The following SKAP2 variants were observed in gnomAD, a reference collection of about 807,000 sequenced individuals.
The protein encoded by SKAP2 is src kinase associated phosphoprotein 2, also known as src kinase-associated phosphoprotein 2.
A neutral mutation model predicts 54.9 loss-of-function variants in SKAP2; 28 were observed. That is an observed-to-expected ratio of 0.51 (90% confidence interval 0.38 to 0.70). SKAP2 has a LOEUF of 0.70. SKAP2 is among the 30% of genes least tolerant of loss of function. SKAP2 has a pLI of 0.00. For missense variants in SKAP2, 356 were observed against 424.1 expected (o/e 0.84, Z 1.41); for synonymous variants, 137 against 134.3 (o/e 1.02, Z -0.14).
chr7:26,729,592 T>C (rs2127957435), intron 6 of SKAP2, among the ~76,000 whole-genome samples: 1 of 152,130 alleles, frequency 6.6e-6, no homozygotes, highest in Non-Finnish European at 1.5e-5. Context: ...AAGTGGAAAA[T>C]GCAGCAGCAA....
chr7:26,782,417 A>AAAAGAG (rs1354068986), intron 4 of SKAP2, among the ~76,000 whole-genome samples: 2 of 152,230 alleles, frequency 1.3e-5, no homozygotes, highest in Non-Finnish European at 2.9e-5. Context: ...GTTAACTGAA[A>AAAAGAG]AAAGAGTTGT....
chr7:26,717,770 T>C (rs1271254378), intron 9 of SKAP2, among the ~76,000 whole-genome samples: 1 of 151,042 alleles, frequency 6.6e-6, no homozygotes, highest in East Asian at 1.9e-4. Flanking sequence ...GGGTAGAGGT[T>C]GCAGGGAGTT....
chr7:26,738,656 A>G (rs1047547220), intron 6 of SKAP2, 139 bp downstream of exon 6: 9 of 566,352 alleles, frequency 1.6e-5, no homozygotes, highest in African/African-American at 3.8e-5. Context: ...AATGAATCAT[A>G]AATTAGTCAG....
chr7:26,854,734 A>G (rs1785123898), intron 2 of SKAP2, 51 bp downstream of exon 2: 1 of 1,500,092 alleles, frequency 6.7e-7, no homozygotes, highest in African/African-American at 1.4e-5. Context: ...AATGTTAGTT[A>G]CAAAACTGCT....
At chr7:26,790,508 A>C (rs1374441711) in intron 4 of SKAP2, among the ~76,000 whole-genome samples, 1 of 152,210 alleles carries the variant, frequency 6.6e-6, no homozygotes, top group Non-Finnish European at 1.5e-5. Flanking sequence ...TTCAGAAGAA[A>C]TACTAACAAA....
chr7:26,749,680 T>A (rs1432422193), intron 4 of SKAP2, among the ~76,000 whole-genome samples: 1 of 151,444 alleles, frequency 6.6e-6, no homozygotes, highest in Non-Finnish European at 1.5e-5. Flanking sequence ...AGTTCAAGGC[T>A]GCATATGATA....
chr7:26,696,911 C>A (rs1007001421), intron 9 of SKAP2, among the ~76,000 whole-genome samples: 3 of 151,854 alleles, frequency 2.0e-5, no homozygotes, highest in Non-Finnish European at 4.4e-5. Flanking sequence ...CTGTCTCTAA[C>A]AAAAACAAAA....
intron 3 of SKAP2, among the ~76,000 whole-genome samples, chr7:26,849,345 C>A (rs774523710): frequency 6.6e-6 from 1 of 151,942 alleles, no homozygotes; most frequent in Non-Finnish European, 1.5e-5. Context: ...GAAAATGAGA[C>A]TTTTATCTAT....
chr7:26,754,086 G>A (rs140775981), intron 4 of SKAP2, among the ~76,000 whole-genome samples: 5,547 of 152,042 alleles, frequency 0.036, 329 homozygotes, highest in African/African-American at 0.13. Context: ...AAAGTAAGCC[G>A]GGCACGGTGG....
At chr7:26,694,780 T>G (rs764379708) in intron 9 of SKAP2, among the ~76,000 whole-genome samples, 21 of 152,088 alleles carry the variant, frequency 1.4e-4, no homozygotes, top group Non-Finnish European at 2.6e-4. Flanking sequence ...TTTTTAGCAT[T>G]TGAGAAAAGG....
chr7:26,768,328 C>T (rs936535393), intron 4 of SKAP2, among the ~76,000 whole-genome samples: 18 of 150,290 alleles, frequency 1.2e-4, no homozygotes, highest in Non-Finnish European at 2.7e-4. Context: ...ATTCCTCCAT[C>T]CCTTTATTTT....
At chr7:26,820,133 T>A (rs1034418416) in intron 4 of SKAP2, among the ~76,000 whole-genome samples, 1 of 152,168 alleles carries the variant, frequency 6.6e-6, no homozygotes, top group Non-Finnish European at 1.5e-5. Context: ...TAGTGCACTA[T>A]GATTGTACCT....
chr7:26,745,260 T>C (rs1432341205), intron 4 of SKAP2, among the ~76,000 whole-genome samples: 1 of 152,208 alleles, frequency 6.6e-6, no homozygotes, highest in East Asian at 1.9e-4. Flanking sequence ...TCCTAAGAAT[T>C]TTCACTCTGA....
At chr7:26,693,332 CAAAAAAAAAAA>C (rs34775523) in intron 9 of SKAP2, among the ~76,000 whole-genome samples, 1 of 79,890 alleles carries the variant, frequency 1.3e-5, no homozygotes, top group East Asian at 4.5e-4. Flanking sequence ...AGCTCCATCT[CAAAAAAAAAAA>C]AAAAAAAAAA....
rs930779366 is a variant in SKAP2 at position 26,668,097 on chromosome 7, G to A, written c.*1569C>T. ...TGAGATTGGATGATCATGATATTGA[G>A]GGGGTAATGGTAAAGCAGACCCTCT... On this transcript the variant is annotated 3_prime_UTR_variant, in exon 13 of 13. Coordinates refer to ENST00000345317, the MANE Select transcript of SKAP2 (RefSeq NM_003930.5). The A allele has an allele frequency of 6.6e-6, 1 of 151,808 alleles. No homozygotes were observed. The highest frequency in any genetic ancestry group is 2.4e-5 in the African/African-American group (1 of 41,324). 9.4% of individuals were successfully genotyped at this position (151,808 alleles called of 1,614,324 possible).
intron 4 of SKAP2, among the ~76,000 whole-genome samples, chr7:26,783,786 C>T (rs935300024): frequency 2.6e-5 from 4 of 151,892 alleles, no homozygotes; most frequent in Admixed American, 2.6e-4. Context: ...ACTCTGGGGC[C>T]TGTTGTGAGG....
At chr7:26,696,160 T>C (rs1584336377) in intron 9 of SKAP2, among the ~76,000 whole-genome samples, 1 of 152,242 alleles carries the variant, frequency 6.6e-6, no homozygotes, top group East Asian at 1.9e-4. Context: ...TTTATATTAC[T>C]ATATTTTATT....
chr7:26,759,170 A>G (rs893880227), intron 4 of SKAP2, among the ~76,000 whole-genome samples: 1 of 152,148 alleles, frequency 6.6e-6, no homozygotes, highest in African/African-American at 2.4e-5. Flanking sequence ...TAAACTTCTA[A>G]AATCCTGAAG....
At chr7:26,746,364 C>CT in intron 4 of SKAP2, among the ~76,000 whole-genome samples, 1 of 152,268 alleles carries the variant, frequency 6.6e-6, no homozygotes, top group East Asian at 1.9e-4. Context: ...GATGCAGACA[C>CT]TTTGTTTCTT....
Sources: allele counts gnomAD v4.1 joint callset (sites outside exome capture counted in the v4.1 genomes callset), GRCh38; gene constraint gnomAD v4.1.1; transcripts MANE v1.5; gene names NCBI Gene and HGNC (gene_info 2026-07-23, HGNC 2026-07-21).